AOAH: variants seen among roughly 807,000 people sequenced by gnomAD.
AOAH encodes the protein acyloxyacyl hydrolase (neutrophil).
A neutral mutation model predicts 92.2 loss-of-function variants in AOAH; 64 were observed. That is an observed-to-expected ratio of 0.69 (90% confidence interval 0.57 to 0.86). AOAH has a LOEUF of 0.86. AOAH is among the 40% of genes least tolerant of loss of function. The pLI, the probability that AOAH is intolerant of heterozygous loss-of-function variation, is 0.00. For synonymous variants in AOAH, 263 were observed against 254.5 expected (o/e 1.03, Z -0.32); for missense variants, 656 against 694.6 (o/e 0.94, Z 0.62).
intron 15 of AOAH, among the ~76,000 whole-genome samples, chr7:36,547,685 A>C (rs1000775266): frequency 5.9e-5 from 9 of 151,972 alleles, no homozygotes; most frequent in African/African-American, 9.7e-5. Flanking sequence ...TTTTGGCCAC[A>C]ATCACAGGAC....
chr7:36,679,893 T>C (rs1796536259), intron 2 of AOAH, among the ~76,000 whole-genome samples: 1 of 152,172 alleles, frequency 6.6e-6, no homozygotes. Context: ...CTTGATCTTG[T>C]GATCCGCCCG....
chr7:36,555,381 G>T (rs1353674029), intron 13 of AOAH, among the ~76,000 whole-genome samples: 5 of 152,050 alleles, frequency 3.3e-5, no homozygotes, highest in Admixed American at 2.6e-4. Flanking sequence ...GCTGGATTCG[G>T]TCTGCCAGTA....
At chr7:36,586,525 T>C (rs1789332933) in intron 12 of AOAH, among the ~76,000 whole-genome samples, 1 of 152,206 alleles carries the variant, frequency 6.6e-6, no homozygotes, top group African/African-American at 2.4e-5. Flanking sequence ...GGTTGTTCCT[T>C]TTCAATCTTC....
chr7:36,555,365 T>G (rs938776924), intron 13 of AOAH, among the ~76,000 whole-genome samples: 3 of 152,164 alleles, frequency 2.0e-5, no homozygotes, highest in African/African-American at 7.2e-5. Flanking sequence ...AGCTTTTTGA[T>G]GTGCTGCTGG....
chr7:36,712,422 G>A (rs1209559862), intron 1 of AOAH, among the ~76,000 whole-genome samples: 1 of 152,150 alleles, frequency 6.6e-6, no homozygotes, highest in Non-Finnish European at 1.5e-5. Flanking sequence ...CGAACATTCA[G>A]TGAATTAATT....
chr7:36,630,158 G>T (rs187601776), intron 6 of AOAH, among the ~76,000 whole-genome samples: 2 of 152,218 alleles, frequency 1.3e-5, no homozygotes, highest in African/African-American at 4.8e-5. Flanking sequence ...TAGAAGGAGC[G>T]TGGCCCTGCT....
chr7:36,643,994 T>A (rs1186753993), intron 4 of AOAH, among the ~76,000 whole-genome samples: 1 of 152,234 alleles, frequency 6.6e-6, no homozygotes, highest in Non-Finnish European at 1.5e-5. Context: ...CTATTTCAAG[T>A]ATCTCTTTAT....
In AOAH at chr7:36,704,987, C is replaced by T. The variant is rs552240931; in HGVS notation, c.128-18193G>A. Among the ~76,000 whole-genome samples, 7 of 152,194 alleles carry T rather than the reference C, an allele frequency of 4.6e-5. No individual in the cohort carries two copies. The South Asian group carries it at 1.5e-3, about 32-fold the overall frequency. The stretch of plus-strand genomic sequence containing the variant: ...CTCAATAAACTAGGTATTGATGGAG[C>T]ATATATCAAAATAATAAGAGCTATT... On this transcript the variant is annotated intron_variant, in intron 1 of 20. Coordinates refer to ENST00000617537, the MANE Select transcript of AOAH (RefSeq NM_001637.4).
intron 13 of AOAH, among the ~76,000 whole-genome samples, chr7:36,570,199 C>A (rs982686930): frequency 3.9e-5 from 6 of 152,154 alleles, no homozygotes; most frequent in Non-Finnish European, 8.8e-5. Flanking sequence ...TGGCAACCAC[C>A]ATTCTACTCT....
intron 4 of AOAH, among the ~76,000 whole-genome samples, chr7:36,655,509 C>A (rs987355998): frequency 1.3e-5 from 2 of 152,144 alleles, no homozygotes; most frequent in Non-Finnish European, 1.5e-5. Context: ...CTGCTCTCTG[C>A]AGCACAGGAT....
chr7:36,714,757 G>A (rs970186993), intron 1 of AOAH, among the ~76,000 whole-genome samples: 23 of 152,138 alleles, frequency 1.5e-4, no homozygotes, highest in African/African-American at 5.6e-4. Flanking sequence ...TGCAGAAAAG[G>A]CCTTTGACAA....
At chr7:36,575,232 T>G (rs1321880947) in intron 13 of AOAH, among the ~76,000 whole-genome samples, 1 of 152,208 alleles carries the variant, frequency 6.6e-6, no homozygotes, top group Non-Finnish European at 1.5e-5. Flanking sequence ...GATCTCTTTC[T>G]GCAGATCATC....
At chr7:36,596,058 A>G (rs961346149) in intron 11 of AOAH, among the ~76,000 whole-genome samples, 1 of 152,212 alleles carries the variant, frequency 6.6e-6, no homozygotes, top group Non-Finnish European at 1.5e-5. Flanking sequence ...AAGAAAAGCC[A>G]TTAACTCCTT....
At chr7:36,574,503 T>C (rs1458997869) in intron 13 of AOAH, among the ~76,000 whole-genome samples, 1 of 152,236 alleles carries the variant, frequency 6.6e-6, no homozygotes, top group East Asian at 1.9e-4. Context: ...GAAAGATCAC[T>C]ACATTTATTG....
intron 16 of AOAH, among the ~76,000 whole-genome samples, chr7:36,536,524 C>T (rs548831540): frequency 6.6e-6 from 1 of 152,156 alleles, no homozygotes; most frequent in Non-Finnish European, 1.5e-5. Context: ...CCAGCATGAA[C>T]CCTGCTTCAC....
At chr7:36,531,621 T>A (rs1784693495) in intron 18 of AOAH, among the ~76,000 whole-genome samples, 2 of 152,182 alleles carry the variant, frequency 1.3e-5, no homozygotes, top group African/African-American at 4.8e-5. Context: ...GTGCTGAGAT[T>A]ACAGGTGTGA....
At chr7:36,600,458 G>A (rs1790473622) in intron 11 of AOAH, among the ~76,000 whole-genome samples, 1 of 152,164 alleles carries the variant, frequency 6.6e-6, no homozygotes, top group Admixed American at 6.5e-5. Context: ...CCTTATGCAA[G>A]GCAGCGCAGG....
intron 3 of AOAH, among the ~76,000 whole-genome samples, chr7:36,669,969 T>C (rs1795809084): frequency 6.6e-6 from 1 of 152,170 alleles, no homozygotes; most frequent in African/African-American, 2.4e-5. Context: ...GACCCAGCTG[T>C]GTCACTGGCT....
At chr7:36,632,702 TAAAG>T (rs1237030100) in intron 5 of AOAH, among the ~76,000 whole-genome samples, 1 of 152,004 alleles carries the variant, frequency 6.6e-6, no homozygotes, top group Admixed American at 6.5e-5. Context: ...TTCCTCAACT[TAAAG>T]AAAGAGAAGA....
Sources: gnomAD v4.1 joint callset for allele counts (sites outside exome capture counted in the v4.1 genomes callset) on GRCh38, gnomAD v4.1.1 for gene constraint, MANE v1.5 for transcripts, NCBI Gene and HGNC (gene_info 2026-07-23, HGNC 2026-07-21) for gene names.